PTH2R: variants seen among roughly 807,000 people sequenced by gnomAD.
PTH2R encodes the protein parathyroid hormone 2 receptor.
A neutral mutation model predicts 60.3 loss-of-function variants in PTH2R; 59 were observed. The ratio of observed to expected loss-of-function variants is 0.98; its 90% CI spans 0.79 to 1.22. The LOEUF (loss-of-function observed/expected upper bound fraction) is 1.22. Ranked by LOEUF, PTH2R falls within the 50% of genes most tolerant of loss-of-function variation. The pLI is 0.00. For missense variants in PTH2R, 749 were observed against 682.6 expected, an observed-to-expected ratio of 1.10 and a Z score of -1.08; for synonymous variants, 256 against 243.8, an observed-to-expected ratio of 1.05 and a Z score of -0.47.
intron 9 of PTH2R, among the ~76,000 whole-genome samples, chr2:208,471,783 C>A (rs774595305): frequency 4.8e-4 from 73 of 152,318 alleles, no homozygotes; most frequent in Middle Eastern, 3.4e-3. Context: ...GCTCCACCAA[C>A]AACTTGCACC....
chr2:208,391,977 G>A (rs1226495038), intron 1 of PTH2R, among the ~76,000 whole-genome samples: 3 of 152,184 alleles, frequency 2.0e-5, no homozygotes, highest in African/African-American at 7.2e-5. Flanking sequence ...GAGAGGTCTG[G>A]TGACAGTGCC....
chr2:208,432,029 C>T (rs1257666944), intron 2 of PTH2R, among the ~76,000 whole-genome samples: 2 of 152,196 alleles, frequency 1.3e-5, no homozygotes, highest in African/African-American at 2.4e-5. Context: ...ATCACTCGTG[C>T]AACTTCTAAA....
At chr2:208,460,665 A>G (rs1014913610) in intron 9 of PTH2R, among the ~76,000 whole-genome samples, 1 of 152,182 alleles carries the variant, frequency 6.6e-6, no homozygotes, top group African/African-American at 2.4e-5. Flanking sequence ...AATAAAACTT[A>G]TCAAAATGTT....
chr2:208,367,693 A>G (rs1700619944), intron 1 of PTH2R, among the ~76,000 whole-genome samples: 1 of 152,104 alleles, frequency 6.6e-6, no homozygotes, highest in South Asian at 2.1e-4. Context: ...GAAACAGTTA[A>G]CATGGACTTG....
At chr2:208,470,644 A>G (rs960676274) in intron 9 of PTH2R, among the ~76,000 whole-genome samples, 3 of 151,392 alleles carry the variant, frequency 2.0e-5, no homozygotes, top group Admixed American at 6.6e-5. Flanking sequence ...AGTCCATTAA[A>G]CCTTTTTTTT....
chr2:208,434,484 G>T (rs1438563981), intron 2 of PTH2R, among the ~76,000 whole-genome samples: 1 of 152,100 alleles, frequency 6.6e-6, no homozygotes, highest in African/African-American at 2.4e-5. Context: ...GCAGTATCTT[G>T]CAGGGAACGA....
chr2:208,360,669 G>C (rs566679789), intron 1 of PTH2R: 5 of 153,148 alleles, frequency 3.3e-5, no homozygotes, highest in African/African-American at 1.2e-4. Flanking sequence ...GCTGCCACCA[G>C]GCTGCCTTCT....
intron 8 of PTH2R, among the ~76,000 whole-genome samples, chr2:208,456,178 G>T (rs1046911721): frequency 2.6e-5 from 4 of 151,946 alleles, no homozygotes; most frequent in Non-Finnish European, 4.4e-5. Flanking sequence ...GGAAGCAGAG[G>T]CTACAGTGAG....
chr2:208,482,334 G>C (rs1191572927), intron 10 of PTH2R, among the ~76,000 whole-genome samples: 1 of 152,150 alleles, frequency 6.6e-6, no homozygotes, highest in Admixed American at 6.5e-5. Context: ...CTGGGTCCAG[G>C]GGGTCACCGC....
chr2:208,477,428 G>A (rs1703030671), intron 9 of PTH2R, among the ~76,000 whole-genome samples: 1 of 152,094 alleles, frequency 6.6e-6, no homozygotes, highest in Non-Finnish European at 1.5e-5. Context: ...CTTTGTTTTA[G>A]TTCATCTGTG....
intron 1 of PTH2R, among the ~76,000 whole-genome samples, chr2:208,413,120 CTTTA>C (rs1200362969): frequency 2.1e-5 from 3 of 141,688 alleles, no homozygotes; most frequent in Admixed American, 1.5e-4. Flanking sequence ...GTTATTTCAT[CTTTA>C]TTTGTTTAAA....
At chr2:208,388,143 C>CCCCCG (rs1553540982) in intron 1 of PTH2R, among the ~76,000 whole-genome samples, 1 of 148,858 alleles carries the variant, frequency 6.7e-6, no homozygotes, top group Non-Finnish European at 1.5e-5. Flanking sequence ...CCCCCCCCCC[C>CCCCCG]GTCTCTACTA....
At chr2:208,442,976 T>C (rs527596424) in intron 5 of PTH2R, among the ~76,000 whole-genome samples, 3 of 152,296 alleles carry the variant, frequency 2.0e-5, no homozygotes, top group African/African-American at 7.2e-5. Context: ...CAACAGACTG[T>C]GGATGGAAAA....
chr2:208,371,326 G>T (rs1483894160), intron 1 of PTH2R, among the ~76,000 whole-genome samples: 1 of 152,102 alleles, frequency 6.6e-6, no homozygotes, highest in African/African-American at 2.4e-5. Flanking sequence ...CTCCTTCTGA[G>T]GGACTTTCCA....
intron 7 of PTH2R, among the ~76,000 whole-genome samples, chr2:208,449,411 G>A (rs528670830): frequency 6.7e-6 from 1 of 150,130 alleles, no homozygotes; most frequent in African/African-American, 2.5e-5. Context: ...CACATAAATA[G>A]ACAATAAATG....
chr2:208,404,866 C>G (rs1344635690), upstream of PTH2R, among the ~76,000 whole-genome samples: 1 of 152,146 alleles, frequency 6.6e-6, no homozygotes, highest in African/African-American at 2.4e-5. Context: ...TAAGTTCTTT[C>G]CAAATTTAAC....
At chr2:208,395,175 G>A (rs919331400) in intron 1 of PTH2R, among the ~76,000 whole-genome samples, 2 of 151,988 alleles carry the variant, frequency 1.3e-5, no homozygotes, top group Non-Finnish European at 2.9e-5. Context: ...AGCCTCCGCA[G>A]TAGCTGGGAC....
chr2:208,404,333 T>G (rs956036212), upstream of PTH2R, among the ~76,000 whole-genome samples: 1 of 152,210 alleles, frequency 6.6e-6, no homozygotes, highest in Admixed American at 6.5e-5. Context: ...AGGCTTTATC[T>G]TGACTGAGGT....
At position 208,481,051 on chromosome 2, in the gene PTH2R, A is replaced by C. The variant is rs1001790883; in HGVS notation, c.982-19A>C. ...TGAAGACTAACAATAATTCTTTGTA[A>C]TCTTACCTTCTTTTTCAGCTGAATT... On this transcript the variant is annotated intron_variant, in intron 9 of 12. Coordinates refer to ENST00000272847, the MANE Select transcript of PTH2R (RefSeq NM_005048.4). 1.3e-6 allele frequency: 2 copies of C among 1,508,974 alleles called. No individual in the cohort carries two copies. Among genetic ancestry groups the C allele is most frequent in the Admixed American group, 3.5e-5 (2 of 56,754 alleles). 93.5% of individuals were successfully genotyped at this position (1,508,974 alleles called of 1,614,324 possible).
Sources: gnomAD v4.1 joint callset for allele counts (sites outside exome capture counted in the v4.1 genomes callset) on GRCh38, gnomAD v4.1.1 for gene constraint, MANE v1.5 for transcripts, NCBI Gene and HGNC (gene_info 2026-07-23, HGNC 2026-07-21) for gene names.